The following STN1 variants were observed in gnomAD, a reference collection of about 807,000 sequenced individuals.
STN1 encodes CST complex subunit STN1.
A neutral mutation model predicts 45.5 loss-of-function variants in STN1; 29 were observed. The ratio of observed to expected loss-of-function variants is 0.64; its 90% CI spans 0.47 to 0.87. The LOEUF is 0.87. Among genes scored for constraint, STN1 ranks in the 40% least tolerant of loss-of-function variants. The probability of loss-of-function intolerance (pLI) is 0.00; values close to 1 mark genes in which losing one functional copy is unlikely to be tolerated. For missense variants in STN1, 376 were observed against 441.4 expected, an observed-to-expected ratio of 0.85 and a Z score of 1.33; for synonymous variants, 148 against 159.0, an observed-to-expected ratio of 0.93 and a Z score of 0.52.
At position 103,908,709 on chromosome 10, in the gene STN1, A is replaced by G. The variant is rs973726960; in HGVS notation, c.229+1818T>C. Among the ~76,000 whole-genome samples, 8 of 152,230 alleles carry G rather than the reference A, an allele frequency of 5.3e-5. No individual in the cohort carries two copies. In the East Asian group the frequency reaches 1.3e-3, roughly 26 times the overall value. On this transcript the variant is annotated intron_variant, in intron 3 of 9. Transcript: ENST00000224950. ...GACACTCACTCAGAGGGAAATGCTT[A>G]CTGGAGAAGAGGCAATCATAGTGCC...
chr10:103,910,709 G>T, intron 2 of STN1, 87 bp from the exon 3 acceptor site: 1 of 698,602 alleles, frequency 1.4e-6, no homozygotes. Flanking sequence ...GGAAGGGAGT[G>T]TAAAAAAATC....
At chr10:103,891,902 GA>G (rs1843141922) in intron 8 of STN1, among the ~76,000 whole-genome samples, 1 of 152,152 alleles carries the variant, frequency 6.6e-6, no homozygotes, top group Non-Finnish European at 1.5e-5. Context: ...GCATTTGGTT[GA>G]AAAAGTCTGC....
chr10:103,905,300 C>T, intron 3 of STN1, 144 bp from the exon 4 acceptor site: 1 of 728,228 alleles, frequency 1.4e-6, no homozygotes, highest in Non-Finnish European at 2.4e-6. Flanking sequence ...CTCCTTCCAC[C>T]TTTGAAACAA....
chr10:103,900,863 C>T (rs1428341610), intron 4 of STN1, among the ~76,000 whole-genome samples: 1 of 152,114 alleles, frequency 6.6e-6, no homozygotes, highest in East Asian at 1.9e-4. Flanking sequence ...TATTTTACTT[C>T]CAAATTGTAT....
At chr10:103,917,440 C>A in intron 2 of STN1, 22 bp downstream of exon 2, 1 of 1,609,142 alleles carries the variant, frequency 6.2e-7, no homozygotes, top group Non-Finnish European at 8.5e-7. Flanking sequence ...CCCAGGGCAT[C>A]CCAGGGTGGC....
chr10:103,911,009 T>C (rs1843286887), intron 2 of STN1, among the ~76,000 whole-genome samples: 2 of 49,604 alleles, frequency 4.0e-5, no homozygotes, highest in South Asian at 1.9e-3. Flanking sequence ...GAAAGGCTTC[T>C]TTGGCTTTTT....
At chr10:103,884,015 AG>A (rs1425375675) in intron 9 of STN1, among the ~76,000 whole-genome samples, 1 of 140,836 alleles carries the variant, frequency 7.1e-6, no homozygotes, top group Non-Finnish European at 1.5e-5. Context: ...ACTTGAACCC[AG>A]GAAGCAGAGG....
At chr10:103,893,567 C>G (rs1400262837) in intron 7 of STN1, among the ~76,000 whole-genome samples, 1 of 152,192 alleles carries the variant, frequency 6.6e-6, no homozygotes, top group Non-Finnish European at 1.5e-5. Context: ...ATTTGAAGGC[C>G]AAGTCCTACC....
intron 6 of STN1, 134 bp downstream of exon 6, chr10:103,898,743 G>C: frequency 1.1e-6 from 1 of 926,844 alleles, no homozygotes; most frequent in Non-Finnish European, 1.6e-6. Flanking sequence ...GAGGGTTAGA[G>C]GGCTTGCCCA....
chr10:103,899,248 G>C (rs1004771998), intron 5 of STN1, among the ~76,000 whole-genome samples: 1 of 152,238 alleles, frequency 6.6e-6, no homozygotes, highest in African/African-American at 2.4e-5. Context: ...GCACATCAAT[G>C]TATTGATTCG....
At chr10:103,909,400 A>G (rs370486390) in intron 3 of STN1, among the ~76,000 whole-genome samples, 3 of 57,810 alleles carry the variant, frequency 5.2e-5, no homozygotes, top group Non-Finnish European at 7.2e-5. Context: ...GTATATATGT[A>G]TATATATGTA....
intron 4 of STN1, among the ~76,000 whole-genome samples, chr10:103,903,583 T>C (rs1440111083): frequency 6.6e-6 from 1 of 152,178 alleles, no homozygotes; most frequent in East Asian, 1.9e-4. Flanking sequence ...TCTTCTGCCA[T>C]GTGAGGAACA....
Position 103,880,213 on chromosome 10 carries a change from C to T in STN1, c.*2471G>A, listed in dbSNP as rs978348014. Among the ~76,000 whole-genome samples the T allele has an allele frequency of 6.6e-6, 1 of 152,128 alleles. No homozygotes were observed. Among genetic ancestry groups the T allele is most frequent in the Non-Finnish European group, 1.5e-5 (1 of 68,024 alleles). On this transcript the variant is annotated 3_prime_UTR_variant, in exon 10 of 10. Transcript: ENST00000224950. ...GGAGACGTGGGGGTGGTCCCCCTACCCAAAGGCAGGAAAGTCCCCTTAATA... is the reference window on the plus strand; with the variant it reads ...GGAGACGTGGGGGTGGTCCCCCTACTCAAAGGCAGGAAAGTCCCCTTAATA...
At chr10:103,912,571 C>T (rs146304099) in intron 2 of STN1, among the ~76,000 whole-genome samples, 102 of 152,316 alleles carry the variant, frequency 6.7e-4, no homozygotes, top group African/African-American at 2.3e-3. Flanking sequence ...AAATGAGCCT[C>T]ACCCAGGGAT....
At chr10:103,910,855 G>A (rs1352918057) in intron 2 of STN1, among the ~76,000 whole-genome samples, 2 of 152,074 alleles carry the variant, frequency 1.3e-5, no homozygotes, top group African/African-American at 2.4e-5. Context: ...CTAGACGGGA[G>A]AAAACCAACG....
Position 103,890,192 on chromosome 10 carries a change from T to A in STN1, c.877-1048A>T, listed in dbSNP as rs1374683544. Reference sequence around the variant, plus strand: ...TGCAAACAAATAGCTGTAAGTTTCCTCCTTAAAGACAGCCCAAGAATGCCT... The same window carrying A: ...TGCAAACAAATAGCTGTAAGTTTCCACCTTAAAGACAGCCCAAGAATGCCT... On this transcript the variant is annotated intron_variant, in intron 8 of 9. Coordinates refer to ENST00000224950, the MANE Select transcript of STN1 (RefSeq NM_024928.5). 2.0e-5 allele frequency among the ~76,000 whole-genome samples: 3 copies of A among 152,146 alleles called. No homozygotes were observed. The East Asian group carries it at 5.8e-4, about 29-fold the overall frequency.
intron 7 of STN1, among the ~76,000 whole-genome samples, chr10:103,893,293 C>T (rs1004200882): frequency 2.0e-5 from 3 of 152,048 alleles, no homozygotes; most frequent in Non-Finnish European, 2.9e-5. Context: ...CTCAGCCTCC[C>T]GAGTAGCTGG....
At chr10:103,895,577 G>A (rs1488461072) in intron 7 of STN1, among the ~76,000 whole-genome samples, 2 of 152,208 alleles carry the variant, frequency 1.3e-5, no homozygotes, top group African/African-American at 2.4e-5. Flanking sequence ...GCAGCCAGTC[G>A]TGACCCTTTC....
rs965609366 is a variant in STN1, at chr10:103,880,364, C to A, written c.*2320G>T. Among the ~76,000 whole-genome samples, 2 of 152,176 alleles carry A rather than the reference C, an allele frequency of 1.3e-5. No homozygotes were observed. The highest frequency in any genetic ancestry group is 2.9e-5 in the Non-Finnish European group (2 of 68,022). On this transcript the variant is annotated 3_prime_UTR_variant, in exon 10 of 10. Transcript: ENST00000224950. ...GAAAGAACAATTGGGAAAGGGTGGG[C>A]AAACAGGAACAGAAGTTCCCACTCT... is the stretch of plus-strand genomic sequence containing the variant.
Sources: allele counts gnomAD v4.1 joint callset (sites outside exome capture counted in the v4.1 genomes callset), GRCh38; gene constraint gnomAD v4.1.1; transcripts MANE v1.5; gene names NCBI Gene and HGNC (gene_info 2026-07-23, HGNC 2026-07-21).